Variants in ITPR1 observed in about 807,000 individuals in gnomAD.
ITPR1 encodes the protein inositol 1,4,5-trisphosphate-gated calcium channel ITPR1.
Under a neutral mutation model 318.4 loss-of-function variants are expected in ITPR1, and 96 were observed. The ratio of observed to expected loss-of-function variants is 0.30; its 90% confidence interval spans 0.26 to 0.36. The LOEUF (loss-of-function observed/expected upper bound fraction) is 0.36, where lower values mean the gene tolerates loss of function less well. ITPR1 is among the 10% of genes least tolerant of loss of function. ITPR1 has a pLI of 1.00. For synonymous variants in ITPR1, 1,312 were observed against 1,289.9 expected (o/e 1.02, Z -0.37); for missense variants, 2,440 against 3,460.2 (o/e 0.71, Z 7.40).
At chr3:4,735,632 C>T (rs1408839026) in intron 44 of ITPR1, 1 of 425,178 alleles carries the variant, frequency 2.4e-6, no homozygotes, top group Non-Finnish European at 4.2e-6. Context: ...ACATAGTGGG[C>T]ACTCCATAAA....
chr3:4,733,287 C>A, intron 43 of ITPR1, 67 bp downstream of exon 43: 1 of 1,560,062 alleles, frequency 6.4e-7, no homozygotes, highest in Non-Finnish European at 8.8e-7. Context: ...TGCATGTTTC[C>A]TCCTAACAGG....
chr3:4,809,969 C>G (rs922969820), intron 55 of ITPR1, among the ~76,000 whole-genome samples: 1 of 152,176 alleles, frequency 6.6e-6, no homozygotes, highest in Non-Finnish European at 1.5e-5. Context: ...ATGCCCTTCA[C>G]AGAACTAGTC....
At chr3:4,755,404 ATT>A (rs71053440) in intron 44 of ITPR1, among the ~76,000 whole-genome samples, 2,818 of 143,866 alleles carry the variant, frequency 0.02, 72 homozygotes, top group African/African-American at 0.061. Context: ...AATTAAAAAC[ATT>A]TTTTTTTTTT....
chr3:4,752,529 T>C (rs1159236695), intron 44 of ITPR1, among the ~76,000 whole-genome samples: 1 of 152,222 alleles, frequency 6.6e-6, no homozygotes, highest in East Asian at 1.9e-4. Context: ...ATATTCCCAC[T>C]TAGCAGGACT....
At position 4,602,144 on chromosome 3, in the gene ITPR1, A is replaced by T. The variant is rs572436397; in HGVS notation, c.164-25619A>T. On this transcript the variant is annotated intron_variant, in intron 4 of 61. Transcript: ENST00000649015. ...AAGTTAGGCAATTCCTCAAAAGGTTAAACATAGAGTTACTATATGATTCAG... is the reference window on the plus strand; with the variant it reads ...AAGTTAGGCAATTCCTCAAAAGGTTTAACATAGAGTTACTATATGATTCAG... Among the ~76,000 whole-genome samples, 148 of 152,354 alleles carry T rather than the reference A, an allele frequency of 9.7e-4. 1 individual carries two copies. The highest frequency in any genetic ancestry group is 3.5e-3 in the African/African-American group (145 of 41,586).
At position 4,706,312 on chromosome 3, in the gene ITPR1, A is replaced by G. The variant is rs769782659; in HGVS notation, c.4803A>G (p.Ala1601=). ...CCGCACGCAGGGACTCTGTTCTGGC[A>G]GCTTCCAGAGACTACCGGAATATCA... The part of the protein sequence containing the change: ...RNAARRDSVL[A]ASRDYRNIIE... Residue 1601 remains alanine, a synonymous_variant, in exon 37 of 62, where the codon GCA becomes GCG. Coordinates refer to ENST00000649015, the MANE Select transcript of ITPR1 (RefSeq NM_001378452.1). 3.1e-6 allele frequency: 5 copies of G among 1,613,686 alleles called. No homozygotes were observed. In the African/African-American group the frequency reaches 5.3e-5, roughly 17 times the overall value.
chr3:4,588,867 C>T (rs1246595570), intron 4 of ITPR1, among the ~76,000 whole-genome samples: 2 of 152,170 alleles, frequency 1.3e-5, no homozygotes, highest in Non-Finnish European at 2.9e-5. Flanking sequence ...CTCCCTCACA[C>T]GTCACATCTT....
chr3:4,667,478 C>A lies in ITPR1; in HGVS notation c.1815C>A (p.Leu605=). The A allele has an allele frequency of 6.2e-7, 1 of 1,613,810 alleles. No homozygotes were observed. Among genetic ancestry groups the A allele is most frequent in the East Asian group, 2.2e-5 (1 of 44,870 alleles). The change falls in exon 18 of 62, where the codon CTC becomes CTA. Residue 605 remains leucine (L), a synonymous_variant. Transcript: ENST00000649015. ...ITALLHNNRK[L]LEKHITAAEI... is the part of the protein sequence containing the mutation. Reference sequence around the variant, plus strand: ...CCCTGCTCCACAATAATCGGAAACTCCTGGAAAAACACATTACCGCGGCAG... The same window carrying A: ...CCCTGCTCCACAATAATCGGAAACTACTGGAAAAACACATTACCGCGGCAG...
At position 4,836,677 on chromosome 3, in the gene ITPR1, A is replaced by G. The variant is rs1490858050; in HGVS notation, c.8029-97A>G. On this transcript the variant is annotated intron_variant, in intron 60 of 61. Coordinates refer to ENST00000649015, the MANE Select transcript of ITPR1 (RefSeq NM_001378452.1). ...AGAAGGAGATAACCTAATGAGAGTT[A>G]GGAAACATGGCACGGTAAGCTGGCC... is the stretch of plus-strand genomic sequence containing the variant. The G allele has an allele frequency of 2.5e-6, 3 of 1,184,184 alleles. No individual in the cohort carries two copies. In the East Asian group the frequency reaches 8.6e-5, roughly 34 times the overall value. The allele number at this position is 1,184,184 out of a possible 1,614,324, so 73.4% of individuals were successfully genotyped here.
At chr3:4,795,242 C>T in intron 53 of ITPR1, 55 bp downstream of exon 53, 2 of 1,567,826 alleles carry the variant, frequency 1.3e-6, no homozygotes, top group Non-Finnish European at 8.7e-7. Flanking sequence ...AAGGCTAGGA[C>T]TTGCATCTCA....
intron 44 of ITPR1, among the ~76,000 whole-genome samples, chr3:4,755,344 A>G (rs2044881625): frequency 6.6e-6 from 1 of 151,956 alleles, no homozygotes; most frequent in African/African-American, 2.4e-5. Flanking sequence ...GGAGACAGGA[A>G]AGGAGAGCTG....
chr3:4,640,462 T>G, intron 6 of ITPR1, among the ~76,000 whole-genome samples: 1 of 152,218 alleles, frequency 6.6e-6, no homozygotes, highest in East Asian at 1.9e-4. Context: ...CTCTTCAGAA[T>G]GGACACAGGT....
intron 4 of ITPR1, among the ~76,000 whole-genome samples, chr3:4,565,058 G>A (rs747224641): frequency 6.6e-6 from 1 of 152,070 alleles, no homozygotes; most frequent in South Asian, 2.1e-4. Context: ...TGGAAGCCAC[G>A]GCCCCTTTTT....
At chr3:4,640,757 T>C (rs944967822) in intron 6 of ITPR1, among the ~76,000 whole-genome samples, 2 of 152,232 alleles carry the variant, frequency 1.3e-5, no homozygotes, top group East Asian at 3.8e-4. Flanking sequence ...GAGAGGTGCC[T>C]GTCCCAGAAT....
At chr3:4,754,011 C>T (rs1209426761) in intron 44 of ITPR1, among the ~76,000 whole-genome samples, 1 of 143,818 alleles carries the variant, frequency 7.0e-6, no homozygotes, top group Non-Finnish European at 1.5e-5. Context: ...ATAGAGATCG[C>T]TTTCACTGAG....
At chr3:4,675,042 C>T in intron 22 of ITPR1, 26 bp from the exon 23 acceptor site, 1 of 1,330,016 alleles carries the variant, frequency 7.5e-7, no homozygotes, top group Non-Finnish European at 1.1e-6. Flanking sequence ...GTAATACCGT[C>T]TTCTTCTTTT....
intron 4 of ITPR1, among the ~76,000 whole-genome samples, chr3:4,544,819 G>T (rs1195461879): frequency 1.3e-5 from 2 of 152,006 alleles, no homozygotes; most frequent in Admixed American, 6.6e-5. Context: ...TTTTAGACAG[G>T]GTCTTACTCT....
intron 44 of ITPR1, among the ~76,000 whole-genome samples, chr3:4,742,879 C>T (rs1235648560): frequency 2.6e-5 from 4 of 152,162 alleles, no homozygotes; most frequent in African/African-American, 2.4e-5. Flanking sequence ...ATCCAGCAGG[C>T]CTGGGGGACG....
Position 4,521,206 on chromosome 3 carries a change from T to A in ITPR1, c.163+112T>A, listed in dbSNP as rs375573199. The A allele has an allele frequency of 1.2e-5, 8 of 689,872 alleles. No homozygotes were observed. The African/African-American group carries it at 1.5e-4, about 13-fold the overall frequency. 42.7% of individuals were successfully genotyped at this position (689,872 alleles called of 1,614,324 possible). ...GCAAAATAGGCTTATTTATTATGTA[T>A]TTTTTTCAGAGTATGATTTGAGTTC... is the stretch of plus-strand genomic sequence containing the variant. On this transcript the variant is annotated intron_variant, in intron 4 of 61. Coordinates refer to ENST00000649015, the MANE Select transcript of ITPR1 (RefSeq NM_001378452.1).
Sources: allele counts gnomAD v4.1 joint callset (sites outside exome capture counted in the v4.1 genomes callset), GRCh38; gene constraint gnomAD v4.1.1; transcripts MANE v1.5; gene names NCBI Gene and HGNC (gene_info 2026-07-23, HGNC 2026-07-21).